The following RTL4 variants were observed in gnomAD, a reference collection of about 807,000 sequenced individuals.
RTL4 encodes retrotransposon Gag-like protein 4.
RTL4 carries 4 observed loss-of-function variants against 5.3 expected under a neutral mutation model. The ratio of observed to expected loss-of-function variants is 0.75; its 90% confidence interval spans 0.37 to 1.72. RTL4 has a LOEUF of 1.72. Ranked by LOEUF, RTL4 falls within the 40% of genes most tolerant of loss-of-function variation. The probability of loss-of-function intolerance (pLI) is 0.04; values close to 1 mark genes in which losing one functional copy is unlikely to be tolerated. For missense variants in RTL4, 260 were observed against 227.1 expected (o/e 1.14, Z -0.93); for synonymous variants, 98 against 87.3 (o/e 1.12, Z -0.68).
chrX:112,242,837 A>T, the RTL4 span, among the ~76,000 whole-genome samples: 1 of 111,716 alleles, frequency 9.0e-6, no homozygotes. Context: ...TGGGTTTGTC[A>T]TAAATCACTC....
the RTL4 span, among the ~76,000 whole-genome samples, chrX:112,419,622 T>TTTAC: frequency 2.0e-5 from 2 of 101,235 alleles, no homozygotes; most frequent in African/African-American, 3.5e-5. Flanking sequence ...TATATATATA[T>TTTAC]ATTTAAGTAT....
chrX:112,351,396 A>G, the RTL4 span, among the ~76,000 whole-genome samples: 1 of 109,434 alleles, frequency 9.1e-6, no homozygotes, highest in African/African-American at 3.4e-5. Flanking sequence ...CGTGGTGCAG[A>G]GCTGAGTTCA....
At chrX:112,164,987 G>T in the RTL4 span, among the ~76,000 whole-genome samples, 3 of 111,802 alleles carry the variant, frequency 2.7e-5, no homozygotes, top group Non-Finnish European at 5.6e-5. Flanking sequence ...TAATTAGCAG[G>T]CCGCATTCAT....
At chrX:112,202,837 CTG>C in the RTL4 span, among the ~76,000 whole-genome samples, 1 of 111,086 alleles carries the variant, frequency 9.0e-6, no homozygotes, top group South Asian at 3.8e-4. Flanking sequence ...TATAAAAAAA[CTG>C]TCAAACTGTT....
At chrX:112,191,230 A>T in the RTL4 span, among the ~76,000 whole-genome samples, 1 of 111,847 alleles carries the variant, frequency 8.9e-6, no homozygotes, top group Non-Finnish European at 1.9e-5. Flanking sequence ...GAATGGTTGT[A>T]TGTGTCCTTT....
chrX:112,175,303 G>A, the RTL4 span, among the ~76,000 whole-genome samples: 2 of 93,317 alleles, frequency 2.1e-5, no homozygotes, highest in East Asian at 3.5e-4. Flanking sequence ...CATATGGCTA[G>A]CCAGTTTTCC....
At chrX:112,325,604 G>A in the RTL4 span, among the ~76,000 whole-genome samples, 2 of 111,982 alleles carry the variant, frequency 1.8e-5, no homozygotes, top group Admixed American at 9.5e-5. Context: ...CCATATATAG[G>A]AAGCTGAAAC....
chrX:112,147,879 C>G, the RTL4 span, among the ~76,000 whole-genome samples: 1 of 111,786 alleles, frequency 8.9e-6, no homozygotes, highest in African/African-American at 3.3e-5. Flanking sequence ...GAAAACCTGT[C>G]TTTATGTAGC....
At chrX:112,163,258 C>A in the RTL4 span, among the ~76,000 whole-genome samples, 2 of 111,862 alleles carry the variant, frequency 1.8e-5, no homozygotes, top group Non-Finnish European at 3.8e-5. Flanking sequence ...GTGACTTTGG[C>A]AAATTATTTA....
At chrX:112,240,443 G>C in the RTL4 span, among the ~76,000 whole-genome samples, 2 of 111,953 alleles carry the variant, frequency 1.8e-5, no homozygotes, top group African/African-American at 6.5e-5. Context: ...AGCCTAGTCT[G>C]ACTTAAATGT....
the RTL4 span, among the ~76,000 whole-genome samples, chrX:112,116,341 G>A: frequency 5.4e-5 from 6 of 111,118 alleles, no homozygotes; most frequent in Non-Finnish European, 9.4e-5. Flanking sequence ...GTGGACCTTC[G>A]CAGTGAGTGT....
At chrX:112,392,064 G>A in the RTL4 span, among the ~76,000 whole-genome samples, 1 of 111,767 alleles carries the variant, frequency 8.9e-6, no homozygotes, top group African/African-American at 3.3e-5. Context: ...CCTCTCCTTG[G>A]GTTGACAGTA....
the RTL4 span, among the ~76,000 whole-genome samples, chrX:112,210,910 T>C: frequency 8.9e-6 from 1 of 112,281 alleles, no homozygotes; most frequent in Admixed American, 9.4e-5. Flanking sequence ...CACTATAACA[T>C]AAGATATGTG....
At chrX:112,313,406 C>A in the RTL4 span, among the ~76,000 whole-genome samples, 1 of 110,924 alleles carries the variant, frequency 9.0e-6, no homozygotes, top group Admixed American at 9.7e-5. Context: ...CTTCATGCCC[C>A]ACGCATGATT....
the RTL4 span, among the ~76,000 whole-genome samples, chrX:112,431,065 G>A: frequency 9.0e-6 from 1 of 111,568 alleles, no homozygotes; most frequent in Non-Finnish European, 1.9e-5. Flanking sequence ...CCCCTGGACT[G>A]TGAACTTCAC....
the RTL4 span, among the ~76,000 whole-genome samples, chrX:112,376,524 TC>T: frequency 1.8e-5 from 2 of 111,953 alleles, no homozygotes; most frequent in African/African-American, 6.5e-5. Context: ...ATATTACTAC[TC>T]AGATGGAATG....
At chrX:112,291,667 A>T in the RTL4 span, among the ~76,000 whole-genome samples, 1 of 108,151 alleles carries the variant, frequency 9.2e-6, no homozygotes, top group African/African-American at 3.4e-5. Context: ...CACCATCTCC[A>T]CTCATTGCAA....
chrX:112,344,791 C>T, the RTL4 span, among the ~76,000 whole-genome samples: 113 of 111,815 alleles, frequency 1.0e-3, no homozygotes, highest in East Asian at 9.3e-3. Flanking sequence ...CTGATAAAGA[C>T]CTACCTGAGA....
the RTL4 span, among the ~76,000 whole-genome samples, chrX:112,378,170 C>T: frequency 6.3e-5 from 7 of 111,290 alleles, 1 homozygote; most frequent in East Asian, 2.0e-3. Context: ...CCCCTCAGCC[C>T]ACATTGAGGC....
Sources: allele counts gnomAD v4.1 joint callset (sites outside exome capture counted in the v4.1 genomes callset), GRCh38; gene constraint gnomAD v4.1.1; transcripts MANE v1.5; gene names NCBI Gene and HGNC (gene_info 2026-07-23, HGNC 2026-07-21).